The following MAOB variants were observed in gnomAD, a reference collection of about 807,000 sequenced individuals.
The protein encoded by MAOB is monoamine oxidase B, also known as amine oxidase [flavin-containing] B.
A neutral mutation model predicts 41.9 loss-of-function variants in MAOB; 15 were observed. That is an observed-to-expected ratio of 0.36 (90% CI 0.24 to 0.55). MAOB has a LOEUF of 0.55. MAOB is among the 20% of genes least tolerant of loss of function. The pLI is 0.86. For synonymous variants in MAOB, 167 were observed against 144.2 expected, an observed-to-expected ratio of 1.16 and a Z score of -1.13; for missense variants, 345 against 398.7, an observed-to-expected ratio of 0.87 and a Z score of 1.15.
At chrX:43,775,328 A>G in intron 11 of MAOB, 56 bp from the exon 12 acceptor site, 1 of 1,169,046 alleles carries the variant, frequency 8.6e-7, no homozygotes, top group Non-Finnish European at 1.1e-6. Flanking sequence ...TATTTAGCCT[A>G]GAATAAATCG....
intron 1 of MAOB, among the ~76,000 whole-genome samples, chrX:43,876,451 T>C (rs756577966): frequency 8.9e-6 from 1 of 111,834 alleles, no homozygotes; most frequent in Non-Finnish European, 1.9e-5. Context: ...TGTGAAAATC[T>C]GTAAATTACA....
chrX:43,845,796 A>G (rs148438233), intron 1 of MAOB, among the ~76,000 whole-genome samples: 1,474 of 112,775 alleles, frequency 0.013, 16 homozygotes, highest in Non-Finnish European at 0.021. Flanking sequence ...ATTAAAAACC[A>G]TAATGAAAAG....
intron 4 of MAOB, among the ~76,000 whole-genome samples, chrX:43,802,550 T>C (rs1335175183): frequency 8.9e-6 from 1 of 112,184 alleles, no homozygotes; most frequent in Non-Finnish European, 1.9e-5. Flanking sequence ...CTGGGCTATT[T>C]CTAGATATGG....
chrX:43,881,788 C>T (rs1462093543), intron 1 of MAOB, among the ~76,000 whole-genome samples: 1 of 112,366 alleles, frequency 8.9e-6, no homozygotes, highest in Non-Finnish European at 1.9e-5. Context: ...AAGTCTTTGG[C>T]AATCGATTGG....
At chrX:43,879,964 G>T (rs1443140906) in intron 1 of MAOB, among the ~76,000 whole-genome samples, 1 of 112,164 alleles carries the variant, frequency 8.9e-6, no homozygotes, top group Non-Finnish European at 1.9e-5. Flanking sequence ...CATTCCTGAA[G>T]ACATAGTTCA....
intron 3 of MAOB, among the ~76,000 whole-genome samples, chrX:43,824,235 T>G (rs181555563): frequency 8.9e-6 from 1 of 112,742 alleles, no homozygotes; most frequent in East Asian, 2.8e-4. Context: ...GATGATATAT[T>G]AAGGCTTCAC....
At chrX:43,852,902 G>A (rs919522396) in intron 1 of MAOB, among the ~76,000 whole-genome samples, 11 of 111,497 alleles carry the variant, frequency 9.9e-5, no homozygotes, top group Admixed American at 9.5e-4. Flanking sequence ...AAGCCTAACA[G>A]AAGAGGCACC....
At chrX:43,831,566 G>A (rs1461228493) in intron 3 of MAOB, among the ~76,000 whole-genome samples, 1 of 109,258 alleles carries the variant, frequency 9.2e-6, no homozygotes, top group Non-Finnish European at 1.9e-5. Context: ...GAGAGAGGGA[G>A]GAAGGAAACA....
intron 3 of MAOB, among the ~76,000 whole-genome samples, chrX:43,812,424 G>T: frequency 8.9e-6 from 1 of 111,814 alleles, no homozygotes; most frequent in Non-Finnish European, 1.9e-5. Context: ...CTTCCAAATG[G>T]TTCTCCATAG....
At chrX:43,810,528 T>C (rs1250931670) in intron 3 of MAOB, among the ~76,000 whole-genome samples, 2 of 110,704 alleles carry the variant, frequency 1.8e-5, no homozygotes, top group South Asian at 7.7e-4. Flanking sequence ...TATAGAGAGA[T>C]AGAGCCACAA....
At chrX:43,773,357 G>A (rs928682709) in intron 12 of MAOB, among the ~76,000 whole-genome samples, 3 of 111,635 alleles carry the variant, frequency 2.7e-5, no homozygotes, top group African/African-American at 6.5e-5. Flanking sequence ...TTCCCTTCCA[G>A]GGACATATGT....
chrX:43,788,663 G>A (rs141540476), intron 8 of MAOB, among the ~76,000 whole-genome samples: 1,718 of 111,198 alleles, frequency 0.015, 19 homozygotes, highest in Middle Eastern at 0.033. Context: ...TGTCGAAAGG[G>A]GTTAGATTTA....
chrX:43,848,826 T>C (rs2035229959), intron 1 of MAOB, among the ~76,000 whole-genome samples: 1 of 111,913 alleles, frequency 8.9e-6, no homozygotes, highest in Admixed American at 9.5e-5. Context: ...AGTGCTGGGA[T>C]TATAAAAGCC....
chrX:43,792,540 A>G (rs983446581), intron 8 of MAOB, among the ~76,000 whole-genome samples: 8 of 112,247 alleles, frequency 7.1e-5, no homozygotes, highest in Non-Finnish European at 1.5e-4. Context: ...GCATGAACAG[A>G]CACTTCTCAA....
chrX:43,859,657 C>T (rs1397166420), intron 1 of MAOB, among the ~76,000 whole-genome samples: 1 of 111,661 alleles, frequency 9.0e-6, no homozygotes, highest in African/African-American at 3.3e-5. Context: ...GGAAGCCAAT[C>T]CTCCATGCAG....
intron 9 of MAOB, among the ~76,000 whole-genome samples, chrX:43,780,643 A>G (rs745416109): frequency 1.8e-5 from 2 of 112,023 alleles, no homozygotes; most frequent in East Asian, 2.8e-4. Context: ...TTTGCCTTGG[A>G]TAACACTATG....
At chrX:43,864,715 T>C (rs917397615) in intron 1 of MAOB, among the ~76,000 whole-genome samples, 1 of 111,654 alleles carries the variant, frequency 9.0e-6, no homozygotes, top group Non-Finnish European at 1.9e-5. Flanking sequence ...GATGCTCTAC[T>C]TAATGTTTGG....
At chrX:43,803,435 A>G (rs757413966) in intron 3 of MAOB, 31 bp from the exon 4 acceptor site, 2 of 1,159,745 alleles carry the variant, frequency 1.7e-6, no homozygotes, top group East Asian at 6.4e-5. Context: ...TTAAAAGGAA[A>G]TATTTACTAC....
Position 43,767,144 on chromosome X carries a change from A to T in MAOB, c.*322T>A. On this transcript the variant is annotated 3_prime_UTR_variant, in exon 15 of 15. Coordinates refer to ENST00000378069, the MANE Select transcript of MAOB (RefSeq NM_000898.5). Reference sequence around the variant, plus strand: ...AGCACAAAGCCATAATGGTAGGAAAAAATTCATTCCTTGTGCATGGGCAAG... The same window carrying T: ...AGCACAAAGCCATAATGGTAGGAAATAATTCATTCCTTGTGCATGGGCAAG... The T allele has an allele frequency of 4.3e-6, 1 of 231,087 alleles. No homozygotes were observed. Among genetic ancestry groups the T allele is most frequent in the African/African-American group, 2.8e-5 (1 of 35,769 alleles). 19.0% of individuals were successfully genotyped at this position (231,087 alleles called of 1,213,427 possible).
Sources: gnomAD v4.1 joint callset for allele counts (sites outside exome capture counted in the v4.1 genomes callset) on GRCh38, gnomAD v4.1.1 for gene constraint, MANE v1.5 for transcripts, NCBI Gene and HGNC (gene_info 2026-07-23, HGNC 2026-07-21) for gene names.